The following ADCY9 variants were observed in gnomAD, a reference collection of about 807,000 sequenced individuals.
ADCY9 encodes adenylate cyclase 9, also known as adenylate cyclase type 9.
A neutral mutation model predicts 101.5 loss-of-function variants in ADCY9; 50 were observed. The ratio of observed to expected loss-of-function variants is 0.49; its 90% CI spans 0.39 to 0.62. ADCY9 has a LOEUF of 0.62. Ranked by LOEUF, ADCY9 falls within the 20% of genes least tolerant of loss-of-function variation. The probability of loss-of-function intolerance (pLI) is 0.00; values close to 1 mark genes in which losing one functional copy is unlikely to be tolerated. For synonymous variants in ADCY9, 905 were observed against 769.3 expected (o/e 1.18, Z -2.92); for missense variants, 1,662 against 1,800.4 (o/e 0.92, Z 1.39).
chr16:4,099,333 A>T (rs2057027875), intron 2 of ADCY9, among the ~76,000 whole-genome samples: 1 of 152,208 alleles, frequency 6.6e-6, no homozygotes, highest in South Asian at 2.1e-4. Context: ...CATTGCTCTC[A>T]ATTGTAGGAA....
At chr16:4,108,220 G>A (rs1232113442) in intron 2 of ADCY9, among the ~76,000 whole-genome samples, 1 of 152,082 alleles carries the variant, frequency 6.6e-6, no homozygotes, top group Non-Finnish European at 1.5e-5. Context: ...GACAGGAAAA[G>A]CCAACAGCTC....
chr16:4,053,831 T>G (rs901454206), intron 2 of ADCY9, among the ~76,000 whole-genome samples: 5 of 152,150 alleles, frequency 3.3e-5, no homozygotes, highest in African/African-American at 1.2e-4. Flanking sequence ...TCTTTCTCGG[T>G]AATAAAACAC....
intron 2 of ADCY9, among the ~76,000 whole-genome samples, chr16:4,034,492 C>G (rs2056576767): frequency 6.6e-6 from 1 of 152,152 alleles, no homozygotes; most frequent in Non-Finnish European, 1.5e-5. Flanking sequence ...TCACTGCAAC[C>G]TCCGCCTCCC....
chr16:4,028,250 T>C (rs2056531236), intron 2 of ADCY9, among the ~76,000 whole-genome samples: 1 of 152,162 alleles, frequency 6.6e-6, no homozygotes, highest in Non-Finnish European at 1.5e-5. Context: ...ATCTTGCAAT[T>C]CCAATCCAAG....
At chr16:4,046,039 G>T (rs1222581923) in intron 2 of ADCY9, among the ~76,000 whole-genome samples, 1 of 151,694 alleles carries the variant, frequency 6.6e-6, no homozygotes, top group Non-Finnish European at 1.5e-5. Flanking sequence ...TTGTAGAGTT[G>T]GGGGTCTTCC....
intron 2 of ADCY9, among the ~76,000 whole-genome samples, chr16:4,098,101 G>T (rs1253677003): frequency 6.6e-6 from 1 of 152,098 alleles, no homozygotes; most frequent in Non-Finnish European, 1.5e-5. Flanking sequence ...CCTACTAAGG[G>T]AATTCCTGGA....
chr16:4,054,854 A>T (rs1402757195), intron 2 of ADCY9, among the ~76,000 whole-genome samples: 1 of 152,176 alleles, frequency 6.6e-6, no homozygotes, highest in Non-Finnish European at 1.5e-5. Flanking sequence ...GGTGTGAGCC[A>T]CTGTGCCCAG....
chr16:3,990,477 AAAAGAGTAAATC>A (rs2056235235), intron 5 of ADCY9, among the ~76,000 whole-genome samples: 1 of 152,102 alleles, frequency 6.6e-6, no homozygotes. Flanking sequence ...AAAAAAAAAA[AAAAGAGTAAATC>A]AGGTGAAATA....
At chr16:4,008,318 G>T (rs1400236052) in intron 2 of ADCY9, among the ~76,000 whole-genome samples, 5 of 152,162 alleles carry the variant, frequency 3.3e-5, no homozygotes, top group Non-Finnish European at 7.3e-5. Context: ...GTGAACAGGT[G>T]GGTGGATCCT....
chr16:4,030,703 CAA>C (rs374494001), intron 2 of ADCY9, among the ~76,000 whole-genome samples: 3 of 134,976 alleles, frequency 2.2e-5, no homozygotes, highest in Non-Finnish European at 3.2e-5. Flanking sequence ...AACTCGGTCT[CAA>C]AAAAAAAAAA....
chr16:4,033,328 G>C (rs1402385717), intron 2 of ADCY9, among the ~76,000 whole-genome samples: 3 of 152,130 alleles, frequency 2.0e-5, no homozygotes, highest in Non-Finnish European at 2.9e-5. Context: ...GTAGATTCAC[G>C]TAATACTGCA....
At position 4,114,665 on chromosome 16, in the gene ADCY9, C is replaced by G. The variant is rs2057136283; in HGVS notation, c.778G>C (p.Gly260Arg). ...VAYSVLFETF[G>R]YHFRDEACFP... ...CAGGCTTCATCCCGGAAATGGTAGC[C>G]AAAGGTCTCGAAAAGGACAGAGTAG... The change falls in exon 2 of 11, where the codon GGC becomes CGC. Residue 260 changes from glycine (G) to arginine (R), a missense_variant. This residue lies in a region of ADCY9 where 422 missense variants were observed against 392.0 expected (regional missense o/e 1.08). Transcript: ENST00000294016. This position sits in a 1 kb window ranked among gnomAD's most constrained non-coding sequence, Gnocchi z 4.3. The G allele has an allele frequency of 1.9e-6, 3 of 1,613,154 alleles. No homozygotes were observed. The highest frequency in any genetic ancestry group is 2.5e-6 in the Non-Finnish European group (3 of 1,180,034).
At position 3,980,951 on chromosome 16, in the gene ADCY9, G is replaced by A. The variant is rs61125331; in HGVS notation, c.2520-1676C>T. On this transcript the variant is annotated intron_variant, in intron 7 of 10. Coordinates refer to ENST00000294016, the MANE Select transcript of ADCY9 (RefSeq NM_001116.4). ...ATGCAGGAAGCCTCCTGGAGGCAACGGGCGGGGCCTGGGCCAGTCACTGAG... is the reference window on the plus strand; with the variant it reads ...ATGCAGGAAGCCTCCTGGAGGCAACAGGCGGGGCCTGGGCCAGTCACTGAG... Among the ~76,000 whole-genome samples the A allele has an allele frequency of 9.2e-3, 1,397 of 152,310 alleles. 22 individuals carry two copies. Among genetic ancestry groups the A allele is most frequent in the African/African-American group, 0.032 (1,324 of 41,574 alleles).
Position 3,966,237 on chromosome 16 carries a change from G to A in ADCY9, c.3600C>T (p.Thr1200=), listed in dbSNP as rs143019825. The change falls in exon 11 of 11, where the codon ACC becomes ACT. Residue 1200 remains threonine, a synonymous_variant. Coordinates refer to ENST00000294016, the MANE Select transcript of ADCY9 (RefSeq NM_001116.4). ...TVNIASRMDT[T]GVECRIQVSE... is the part of the protein sequence containing the mutation. Reference sequence around the variant, plus strand: ...TCACCTGGATGCGGCACTCCACGCCGGTGGTGTCCATCCTGCTGGCGATGT... The same window carrying A: ...TCACCTGGATGCGGCACTCCACGCCAGTGGTGTCCATCCTGCTGGCGATGT... 1.6e-4 allele frequency: 266 copies of A among 1,614,210 alleles called. No individual in the cohort carries two copies. The highest frequency in any genetic ancestry group is 2.1e-4 in the Non-Finnish European group (251 of 1,180,046).
At chr16:3,989,349 A>G (rs1221944409) in intron 5 of ADCY9, among the ~76,000 whole-genome samples, 3 of 113,478 alleles carry the variant, frequency 2.6e-5, no homozygotes, top group Non-Finnish European at 2.2e-5. Context: ...CCATGATTAT[A>G]GCACACATCA....
chr16:4,102,375 G>A (rs1380289415), intron 2 of ADCY9, among the ~76,000 whole-genome samples: 3 of 152,100 alleles, frequency 2.0e-5, no homozygotes, highest in Non-Finnish European at 4.4e-5. Context: ...ATTCAAGGGT[G>A]AGCCCTTCCA....
chr16:4,061,449 A>T (rs2056773024), intron 2 of ADCY9, among the ~76,000 whole-genome samples: 1 of 152,198 alleles, frequency 6.6e-6, no homozygotes, highest in Non-Finnish European at 1.5e-5. Flanking sequence ...AACAAAGAGA[A>T]AATCTTGACT....
chr16:3,986,513 A>C (rs998216234), intron 6 of ADCY9, among the ~76,000 whole-genome samples: 40 of 152,068 alleles, frequency 2.6e-4, no homozygotes, highest in African/African-American at 8.7e-4. Context: ...GCAATAGTGC[A>C]ACGGCATGGT....
At chr16:4,011,881 A>T (rs1334882993) in intron 2 of ADCY9, among the ~76,000 whole-genome samples, 1 of 152,156 alleles carries the variant, frequency 6.6e-6, no homozygotes, top group Non-Finnish European at 1.5e-5. Flanking sequence ...CTCATCTCTA[A>T]GGCGAGGGCA....
Sources: gnomAD v4.1 joint callset for allele counts (sites outside exome capture counted in the v4.1 genomes callset) on GRCh38, gnomAD v4.1.1 for gene constraint, gnomAD v4.1.1 regional missense constraint, Gnocchi (gnomAD v3.1) non-coding constraint, MANE v1.5 for transcripts, NCBI Gene and HGNC (gene_info 2026-07-23, HGNC 2026-07-21) for gene names.